Variants in TMEM65 observed in about 807,000 individuals in gnomAD.
TMEM65 encodes the protein transmembrane protein 65.
A neutral mutation model predicts 25.4 loss-of-function variants in TMEM65; 22 were observed. The observed-to-expected ratio is 0.86, with a 90% CI of 0.62 to 1.23. TMEM65 has a LOEUF of 1.23. Among genes scored for constraint, TMEM65 ranks in the 50% most tolerant of loss-of-function variants. The probability of loss-of-function intolerance (pLI) is 0.00; values close to 1 mark genes in which losing one functional copy is unlikely to be tolerated. For synonymous variants in TMEM65, 132 were observed against 126.2 expected, an observed-to-expected ratio of 1.05 and a Z score of -0.31; for missense variants, 262 against 308.2, an observed-to-expected ratio of 0.85 and a Z score of 1.12.
intron 1 of TMEM65, among the ~76,000 whole-genome samples, chr8:124,358,468 C>T (rs1478303512): frequency 6.6e-6 from 1 of 152,138 alleles, no homozygotes; most frequent in African/African-American, 2.4e-5. Context: ...AACAAATAGC[C>T]GAGTCTCAGC....
At chr8:124,318,363 G>GGT (rs1814263079) in intron 6 of TMEM65, among the ~76,000 whole-genome samples, 1 of 73,840 alleles carries the variant, frequency 1.4e-5, no homozygotes, top group Admixed American at 2.3e-4. Context: ...GAATTTGCAT[G>GGT]TTTTTGTTTT....
chr8:124,359,097 C>T (rs1814826255), intron 1 of TMEM65, among the ~76,000 whole-genome samples: 2 of 152,156 alleles, frequency 1.3e-5, no homozygotes, highest in Admixed American at 6.5e-5. Flanking sequence ...GCCGGGGATG[C>T]AAGCTTTGGC....
chr8:124,335,958 AAG>A (rs1814502018), intron 1 of TMEM65, among the ~76,000 whole-genome samples: 3 of 152,080 alleles, frequency 2.0e-5, no homozygotes, highest in African/African-American at 7.2e-5. Context: ...CGAACAAAAA[AAG>A]TAAGACCCAA....
chr8:124,322,200 A>G, intron 4 of TMEM65, 53 bp from the exon 5 acceptor site: 1 of 1,338,304 alleles, frequency 7.5e-7, no homozygotes, highest in Non-Finnish European at 1.1e-6. Flanking sequence ...TAATTATATC[A>G]CTATGTAATC....
chr8:124,313,958 G>T lies in TMEM65; in HGVS notation c.*2C>A. ...CATCTTTTTATAGGTATTCTAAGAGGATTAACTTTTCGTTTCCAGTTTTTC... is the reference window on the plus strand; with the variant it reads ...CATCTTTTTATAGGTATTCTAAGAGTATTAACTTTTCGTTTCCAGTTTTTC... On this transcript the variant is annotated 3_prime_UTR_variant, in exon 7 of 7. Coordinates refer to ENST00000297632, the MANE Select transcript of TMEM65 (RefSeq NM_194291.3). 1 of 1,599,910 alleles carries T rather than the reference G, an allele frequency of 6.3e-7. No individual in the cohort carries two copies. The highest frequency in any genetic ancestry group is 8.6e-7 in the Non-Finnish European group (1 of 1,167,844).
Position 124,323,347 on chromosome 8 carries a change from A to T in TMEM65, c.446T>A (p.Ile149Asn). Residue 149 changes from isoleucine to asparagine, a missense_variant, in exon 4 of 7, where the codon ATT becomes AAT. Physicochemically the swap from Ile to Asn is moderately radical, Grantham distance 149. Coordinates refer to ENST00000297632, the MANE Select transcript of TMEM65 (RefSeq NM_194291.3). ...TGCCATAGTTGAAATTCCCAAAATA[A>T]TTCCAATAGACATTTCAATATGGGT... ...AGTHIEMSIG[I>N]ILGISTMAAA... 6.6e-7 allele frequency: 1 copy of T among 1,510,028 alleles called. No individual in the cohort carries two copies. The highest frequency in any genetic ancestry group is 9.0e-7 in the Non-Finnish European group (1 of 1,106,102). 93.5% of individuals were successfully genotyped at this position (1,510,028 alleles called of 1,614,324 possible).
At position 124,330,812 on chromosome 8, in the gene TMEM65, T is replaced by C. The variant is rs966937194; in HGVS notation, c.305-20A>G. 2 of 1,576,204 alleles carry C rather than the reference T, an allele frequency of 1.3e-6. No individual in the cohort carries two copies. Among genetic ancestry groups the C allele is most frequent in the African/African-American group, 1.4e-5 (1 of 71,354 alleles). ...ATTTTTCTAAAGGGGAGAAAAAGGATGTGGGGCAAGAATTAGTTACTACAG... is the reference window on the plus strand; with the variant it reads ...ATTTTTCTAAAGGGGAGAAAAAGGACGTGGGGCAAGAATTAGTTACTACAG... On this transcript the variant is annotated intron_variant, in intron 1 of 6. Coordinates refer to ENST00000297632, the MANE Select transcript of TMEM65 (RefSeq NM_194291.3).
Position 124,308,570 on chromosome 8 carries a change from T to C in TMEM65, c.*5390A>G, listed in dbSNP as rs2131187387. 6.6e-6 allele frequency: 1 copy of C among 151,440 alleles called. No individual in the cohort carries two copies. The highest frequency in any genetic ancestry group is 2.4e-5 in the African/African-American group (1 of 41,112). The allele number at this position is 151,440 out of a possible 1,614,324, so 9.4% of individuals were successfully genotyped here. ...ATCAAGAAAATCATGAAAGAGGTTG[T>C]AGATATGTCAAATTAAATAAATAAA... On this transcript the variant is annotated 3_prime_UTR_variant, in exon 7 of 7. Transcript: ENST00000297632.
At chr8:124,341,958 A>G (rs1447866869) in intron 1 of TMEM65, among the ~76,000 whole-genome samples, 1 of 152,070 alleles carries the variant, frequency 6.6e-6, no homozygotes, top group Admixed American at 6.6e-5. Context: ...GACATATTAA[A>G]TTATATGAGA....
At chr8:124,368,948 T>C (rs892034742) in intron 1 of TMEM65, among the ~76,000 whole-genome samples, 1 of 152,238 alleles carries the variant, frequency 6.6e-6, no homozygotes, top group Non-Finnish European at 1.5e-5. Context: ...TATTTTTCAA[T>C]ACCAAATTGC....
intron 1 of TMEM65, among the ~76,000 whole-genome samples, chr8:124,360,882 A>G (rs915730749): frequency 6.6e-6 from 1 of 152,248 alleles, no homozygotes; most frequent in Admixed American, 6.5e-5. Context: ...CTGTGTGTCT[A>G]TGTGTTAATA....
At chr8:124,338,430 T>C (rs1248592642) in intron 1 of TMEM65, among the ~76,000 whole-genome samples, 1 of 152,072 alleles carries the variant, frequency 6.6e-6, no homozygotes, top group Non-Finnish European at 1.5e-5. Flanking sequence ...GGTTTTTTTT[T>C]ATTTCTGCAA....
Position 124,307,031 on chromosome 8 carries a change from T to A in TMEM65, c.*6929A>T, listed in dbSNP as rs908508936. The A allele has an allele frequency of 1.3e-5, 2 of 152,030 alleles. No homozygotes were observed. The highest frequency in any genetic ancestry group is 1.3e-4 in the Admixed American group (2 of 15,264). 9.4% of individuals were successfully genotyped at this position (152,030 alleles called of 1,614,324 possible). The stretch of plus-strand genomic sequence containing the variant: ...GAGCCATTTGCAGTTGAGACAAACA[T>A]AAAGATGCAGTACTAAATTACAACT... On this transcript the variant is annotated 3_prime_UTR_variant, in exon 7 of 7. Coordinates refer to ENST00000297632, the MANE Select transcript of TMEM65 (RefSeq NM_194291.3).
intron 1 of TMEM65, 61 bp downstream of exon 1, chr8:124,371,793 G>T: frequency 6.9e-7 from 1 of 1,454,314 alleles, no homozygotes; most frequent in Non-Finnish European, 9.1e-7. Context: ...GCTCCCGGTG[G>T]GCTGGCGAGA....
intron 1 of TMEM65, among the ~76,000 whole-genome samples, chr8:124,366,216 C>T (rs1028747900): frequency 2.0e-5 from 3 of 152,200 alleles, no homozygotes; most frequent in Non-Finnish European, 4.4e-5. Context: ...CACGAGACTC[C>T]GTCTCAAAAA....
At chr8:124,355,654 C>A (rs966695430) in intron 1 of TMEM65, among the ~76,000 whole-genome samples, 7 of 152,078 alleles carry the variant, frequency 4.6e-5, no homozygotes, top group Admixed American at 6.5e-5. Flanking sequence ...GGCTTCATCC[C>A]ACCTTTATAA....
chr8:124,314,144 T>C (rs922405776), intron 6 of TMEM65, 83 bp from the exon 7 acceptor site: 3 of 1,073,094 alleles, frequency 2.8e-6, no homozygotes, highest in Non-Finnish European at 4.2e-6. Flanking sequence ...CCAGCTCTTC[T>C]CAATATATTT....
intron 1 of TMEM65, among the ~76,000 whole-genome samples, chr8:124,358,382 A>T (rs1277264086): frequency 1.3e-5 from 2 of 152,202 alleles, no homozygotes; most frequent in Non-Finnish European, 2.9e-5. Context: ...ACATATTTTA[A>T]GCCTGAAGGT....
intron 1 of TMEM65, among the ~76,000 whole-genome samples, chr8:124,366,527 CCTTT>C (rs1335684023): frequency 6.6e-6 from 1 of 152,076 alleles, no homozygotes; most frequent in East Asian, 1.9e-4. Flanking sequence ...CTGCCTATAT[CCTTT>C]TTTTTTCAAT....
Sources: allele counts gnomAD v4.1 joint callset (sites outside exome capture counted in the v4.1 genomes callset), GRCh38; gene constraint gnomAD v4.1.1; transcripts MANE v1.5; gene names NCBI Gene and HGNC (gene_info 2026-07-23, HGNC 2026-07-21).